CCDC192: variants seen among roughly 807,000 people sequenced by gnomAD.
CCDC192 encodes the protein coiled-coil domain-containing protein 192.
At chr5:127,916,827 C>T (rs1012852001) in intron 6 of CCDC192, among the ~76,000 whole-genome samples, 1 of 152,126 alleles carries the variant, frequency 6.6e-6, no homozygotes, top group East Asian at 1.9e-4. Context: ...TTCTTAAGGA[C>T]CCTAGGATTT....
intron 6 of CCDC192, among the ~76,000 whole-genome samples, chr5:127,939,542 C>A (rs1754310156): frequency 6.6e-6 from 1 of 152,110 alleles, no homozygotes; most frequent in African/African-American, 2.4e-5. Flanking sequence ...CAGAGAATAG[C>A]CTGTTGTCTC....
At chr5:127,708,548 GA>G (rs895796671) in intron 2 of CCDC192, among the ~76,000 whole-genome samples, 1 of 152,184 alleles carries the variant, frequency 6.6e-6, no homozygotes, top group Non-Finnish European at 1.5e-5. Context: ...CTCTAATATA[GA>G]GGCAGTATAG....
At chr5:127,747,641 C>T (rs1372189186) in intron 2 of CCDC192, among the ~76,000 whole-genome samples, 1 of 152,042 alleles carries the variant, frequency 6.6e-6, no homozygotes, top group Non-Finnish European at 1.5e-5. Flanking sequence ...ATGGCTGGGT[C>T]AAATGGTATT....
At chr5:127,844,687 G>T (rs920238235) in intron 5 of CCDC192, among the ~76,000 whole-genome samples, 3 of 152,224 alleles carry the variant, frequency 2.0e-5, no homozygotes, top group African/African-American at 7.2e-5. Flanking sequence ...GACGCAGCAG[G>T]ATGTGGATGG....
rs373967087 is a variant in CCDC192 at position 127,719,554 on chromosome 5, T to C, written c.114+11794T>C. 0.017 allele frequency among the ~76,000 whole-genome samples: 633 copies of C among 36,420 alleles called. 36 individuals are homozygous for C. The Middle Eastern group carries it at 0.24, about 14-fold the overall frequency. The allele number at this position is 36,420 out of a possible 152,430, so 23.9% of individuals were successfully genotyped here. Reference sequence around the variant, plus strand: ...ACATACATATATATATATATATATATATATACACACATACATATATATATA... The same window carrying C: ...ACATACATATATATATATATATATACATATACACACATACATATATATATA... On this transcript the variant is annotated intron_variant, in intron 2 of 6. Coordinates refer to ENST00000514853, the MANE Select transcript of CCDC192 (RefSeq NM_001317938.2).
rs1193569242 is a variant in CCDC192 at position 127,861,309 on chromosome 5, A to G, written c.412-14229A>G. Among the ~76,000 whole-genome samples, 3 of 150,628 alleles carry G rather than the reference A, an allele frequency of 2.0e-5. No individual in the cohort carries two copies. The East Asian group carries it at 6.0e-4, about 30-fold the overall frequency. Reference sequence around the variant, plus strand: ...AGGCATGAGCCACCGTGCCTGGCCCATCTTGGGTAGTTTTTGAAATAAAAA... The same window carrying G: ...AGGCATGAGCCACCGTGCCTGGCCCGTCTTGGGTAGTTTTTGAAATAAAAA... On this transcript the variant is annotated intron_variant, in intron 5 of 6. Coordinates refer to ENST00000514853, the MANE Select transcript of CCDC192 (RefSeq NM_001317938.2).
At chr5:127,812,231 A>G (rs2127002192) in intron 5 of CCDC192, among the ~76,000 whole-genome samples, 1 of 152,346 alleles carries the variant, frequency 6.6e-6, no homozygotes, top group South Asian at 2.1e-4. Context: ...AAATAAAACA[A>G]CAAAACCAGC....
intron 2 of CCDC192, among the ~76,000 whole-genome samples, chr5:127,742,182 A>G (rs1004659224): frequency 1.2e-4 from 18 of 152,320 alleles, no homozygotes; most frequent in African/African-American, 4.3e-4. Flanking sequence ...TTTGAGCTGA[A>G]TAAGAGTTGG....
At chr5:127,807,270 C>G (rs767284569) in intron 5 of CCDC192, among the ~76,000 whole-genome samples, 1 of 152,124 alleles carries the variant, frequency 6.6e-6, no homozygotes, top group Non-Finnish European at 1.5e-5. Context: ...TAAGGCACCT[C>G]ATGTTAGCTG....
At chr5:127,766,422 T>TAAACA (rs762872775) in intron 3 of CCDC192, among the ~76,000 whole-genome samples, 9 of 151,884 alleles carry the variant, frequency 5.9e-5, no homozygotes, top group African/African-American at 9.7e-5. Flanking sequence ...AAGGAACTGG[T>TAAACA]AAACAAAACA....
chr5:127,773,978 C>T (rs994253779), intron 3 of CCDC192, among the ~76,000 whole-genome samples: 5 of 152,138 alleles, frequency 3.3e-5, no homozygotes, highest in Non-Finnish European at 5.9e-5. Context: ...AGTAGAATCT[C>T]GCTGTGGTTT....
chr5:127,819,414 G>C (rs1012750213), intron 5 of CCDC192, among the ~76,000 whole-genome samples: 3 of 151,996 alleles, frequency 2.0e-5, no homozygotes, highest in African/African-American at 7.3e-5. Context: ...TCTCAGGTAG[G>C]GTAAATAACC....
chr5:127,804,463 A>G (rs1307589171), intron 5 of CCDC192, among the ~76,000 whole-genome samples: 1 of 152,198 alleles, frequency 6.6e-6, no homozygotes, highest in African/African-American at 2.4e-5. Flanking sequence ...GGTACATTCT[A>G]CCAGGGATAC....
chr5:127,709,102 G>GGAGA (rs540628735), intron 2 of CCDC192, among the ~76,000 whole-genome samples: 5,127 of 57,156 alleles, frequency 0.09, 234 homozygotes, highest in East Asian at 0.28. Context: ...AGTGGGAGCA[G>GGAGA]GAGAGAGAGA....
At chr5:127,719,924 G>A (rs1228885) in intron 2 of CCDC192, among the ~76,000 whole-genome samples, 47,260 of 151,416 alleles carry the variant, frequency 0.31, 8,222 homozygotes, top group Middle Eastern at 0.4. Context: ...TCCACCCCCC[G>A]ATCCAATCAT....
At chr5:127,848,613 T>C (rs1388223004) in intron 5 of CCDC192, among the ~76,000 whole-genome samples, 2 of 152,344 alleles carry the variant, frequency 1.3e-5, no homozygotes, top group East Asian at 3.9e-4. Flanking sequence ...CACCTTGGCC[T>C]ATCTTCTGTG....
In CCDC192 at chr5:127,876,258, A is replaced by C. The variant is rs903532895; in HGVS notation, c.535+597A>C. Among the ~76,000 whole-genome samples the C allele has an allele frequency of 7.2e-5, 11 of 152,122 alleles. 1 individual carries two copies. The highest frequency in any genetic ancestry group is 6.5e-4 in the Admixed American group (10 of 15,282). On this transcript the variant is annotated intron_variant, in intron 6 of 6. Transcript: ENST00000514853. ...CAACAAACAAGCAAACAACAAACAA[A>C]AAAACTCCAAATCTCAGACTGTAAT...
At chr5:127,918,923 ATG>A (rs757516504) in intron 6 of CCDC192, among the ~76,000 whole-genome samples, 4 of 150,324 alleles carry the variant, frequency 2.7e-5, no homozygotes, top group Non-Finnish European at 4.4e-5. Context: ...ATGTGTGTAT[ATG>A]TGTGTCTCTG....
intron 5 of CCDC192, among the ~76,000 whole-genome samples, chr5:127,823,026 A>T (rs1217441838): frequency 1.3e-5 from 2 of 152,130 alleles, no homozygotes; most frequent in African/African-American, 4.8e-5. Context: ...CCACAAAAAC[A>T]CCACATTACT....
Sources: gnomAD v4.1 joint callset for allele counts (sites outside exome capture counted in the v4.1 genomes callset) on GRCh38, gnomAD v4.1.1 for gene constraint, MANE v1.5 for transcripts, NCBI Gene and HGNC (gene_info 2026-07-23, HGNC 2026-07-21) for gene names.